Variants in MAP2 observed in about 807,000 individuals in gnomAD.
MAP2 encodes microtubule-associated protein 2.
In MAP2, 14 loss-of-function variants were observed where a neutral mutation model predicts 137.6. The ratio of observed to expected loss-of-function variants is 0.10; its 90% CI spans 0.07 to 0.16. The LOEUF (loss-of-function observed/expected upper bound fraction) is 0.16, where lower values mean the gene tolerates loss of function less well. Among genes scored for constraint, MAP2 ranks in the 10% least tolerant of loss-of-function variants. MAP2 has a pLI of 1.00. For missense variants in MAP2, 2,088 were observed against 2,191.5 expected, an observed-to-expected ratio of 0.95 and a Z score of 0.94; for synonymous variants, 786 against 782.3, an observed-to-expected ratio of 1.00 and a Z score of -0.08.
rs2067655257 is a variant in MAP2, at chr2:209,544,487, A to G, written c.-171-35549A>G. 2.6e-5 allele frequency among the ~76,000 whole-genome samples: 4 copies of G among 152,252 alleles called. No homozygotes were observed. In the South Asian group the frequency reaches 8.3e-4, roughly 32 times the overall value. On this transcript the variant is annotated intron_variant, in intron 2 of 15. Coordinates refer to ENST00000682079, the MANE Select transcript of MAP2 (RefSeq NM_001375505.1). ...TTAAAATGATGTTATTATTTTATGTATGATCTCTTGGAGCTGGTTTCATTT... is the reference window on the plus strand; with the variant it reads ...TTAAAATGATGTTATTATTTTATGTGTGATCTCTTGGAGCTGGTTTCATTT...
intron 2 of MAP2, among the ~76,000 whole-genome samples, chr2:209,520,055 T>C (rs1057118236): frequency 2.0e-5 from 3 of 152,100 alleles, no homozygotes; most frequent in African/African-American, 7.2e-5. Context: ...ACTGCTCAAC[T>C]ACTCATTCAG....
At chr2:209,593,315 G>C (rs1363484948) in intron 3 of MAP2, among the ~76,000 whole-genome samples, 1 of 151,332 alleles carries the variant, frequency 6.6e-6, no homozygotes, top group Non-Finnish European at 1.5e-5. Context: ...CAAATATCTT[G>C]ATTTTGAAAT....
At chr2:209,723,150 GATTAATA>G (rs2153807505) in intron 13 of MAP2, among the ~76,000 whole-genome samples, 1 of 152,306 alleles carries the variant, frequency 6.6e-6, no homozygotes, top group East Asian at 1.9e-4. Context: ...TGTACGAGGT[GATTAATA>G]ATTGTGATGG....
intron 1 of MAP2, among the ~76,000 whole-genome samples, chr2:209,433,919 C>T (rs1171819217): frequency 2.6e-5 from 4 of 152,022 alleles, no homozygotes; most frequent in Admixed American, 6.6e-5. Flanking sequence ...ATTCCATTCT[C>T]AATATGAATG....
chr2:209,528,886 G>GTATA (rs556581315), intron 2 of MAP2, among the ~76,000 whole-genome samples: 3 of 138,850 alleles, frequency 2.2e-5, no homozygotes, highest in African/African-American at 8.0e-5. Context: ...ATATATGTGT[G>GTATA]TATATACATA....
At chr2:209,660,152 A>G (rs1582613059) in intron 5 of MAP2, among the ~76,000 whole-genome samples, 1 of 152,174 alleles carries the variant, frequency 6.6e-6, no homozygotes, top group Non-Finnish European at 1.5e-5. Flanking sequence ...TATAATCCCC[A>G]CAATTTACCA....
chr2:209,505,417 C>T (rs2060909011), intron 1 of MAP2, among the ~76,000 whole-genome samples: 1 of 152,140 alleles, frequency 6.6e-6, no homozygotes, highest in Non-Finnish European at 1.5e-5. Context: ...ACCTTGAAGT[C>T]ACACTGGACG....
intron 4 of MAP2, among the ~76,000 whole-genome samples, chr2:209,643,112 A>G (rs1233899101): frequency 1.3e-5 from 2 of 152,220 alleles, no homozygotes; most frequent in African/African-American, 4.8e-5. Flanking sequence ...TTACATGATG[A>G]TAGGGCAGAA....
intron 2 of MAP2, among the ~76,000 whole-genome samples, chr2:209,578,349 CAAG>C (rs985599068): frequency 2.0e-5 from 3 of 150,136 alleles, no homozygotes; most frequent in African/African-American, 7.4e-5. Flanking sequence ...AAAGGTGGCT[CAAG>C]GAGAATGCAA....
chr2:209,550,747 T>C (rs1366655091), intron 2 of MAP2, among the ~76,000 whole-genome samples: 2 of 152,138 alleles, frequency 1.3e-5, no homozygotes, highest in African/African-American at 2.4e-5. Flanking sequence ...TATAATGGTT[T>C]TGTCATGGAT....
At chr2:209,466,461 T>G (rs1421461109) in intron 1 of MAP2, among the ~76,000 whole-genome samples, 1 of 152,178 alleles carries the variant, frequency 6.6e-6, no homozygotes, top group Non-Finnish European at 1.5e-5. Context: ...TTTATCAGGT[T>G]GTTGGTTAAG....
At chr2:209,679,678 C>G (rs2053687439) in intron 6 of MAP2, among the ~76,000 whole-genome samples, 1 of 151,936 alleles carries the variant, frequency 6.6e-6, no homozygotes. Flanking sequence ...TTAGAATACA[C>G]TCAGTATTTT....
chr2:209,652,092 G>T (rs16843360), intron 4 of MAP2, among the ~76,000 whole-genome samples: 1 of 152,018 alleles, frequency 6.6e-6, no homozygotes, highest in Non-Finnish European at 1.5e-5. Flanking sequence ...CAATAAGGCT[G>T]CATGGTGGGC....
intron 3 of MAP2, among the ~76,000 whole-genome samples, chr2:209,619,099 G>A (rs1437885606): frequency 2.0e-5 from 3 of 152,122 alleles, no homozygotes; most frequent in Non-Finnish European, 2.9e-5. Context: ...AGAGTAGAAT[G>A]GTGGTTATCA....
At chr2:209,588,559 G>A (rs2078374441) in intron 3 of MAP2, among the ~76,000 whole-genome samples, 1 of 152,012 alleles carries the variant, frequency 6.6e-6, no homozygotes, top group African/African-American at 2.4e-5. Flanking sequence ...CTCTTTTTGG[G>A]AAGATCTTAC....
At chr2:209,624,350 T>G (rs577307175) in intron 3 of MAP2, among the ~76,000 whole-genome samples, 3 of 152,164 alleles carry the variant, frequency 2.0e-5, no homozygotes, top group Admixed American at 6.6e-5. Context: ...CAATCCCTTA[T>G]GTATTGTGCG....
Position 209,696,672 on chromosome 2 carries a change from A to G in MAP2, c.4311A>G (p.Arg1437=). 1.9e-6 allele frequency: 3 copies of G among 1,613,988 alleles called. No homozygotes were observed. Among genetic ancestry groups the G allele is most frequent in the Non-Finnish European group, 2.5e-6 (3 of 1,179,914 alleles). ...AGCCTTTTAAAACCGGGAGAGGCAG[A>G]ATTTCCACTCCTGAAAGAAAAGTAG... ...KEKPFKTGRG[R]ISTPERKVAK... is the part of the protein sequence containing the mutation. The change falls in exon 9 of 16, where the codon AGA becomes AGG. Residue 1437 remains arginine (R), a synonymous_variant. Coordinates refer to ENST00000682079, the MANE Select transcript of MAP2 (RefSeq NM_001375505.1).
intron 1 of MAP2, among the ~76,000 whole-genome samples, chr2:209,427,490 C>G (rs1364521861): frequency 1.3e-5 from 2 of 152,114 alleles, no homozygotes; most frequent in African/African-American, 4.8e-5. Flanking sequence ...TCAATCTAGA[C>G]CTTTTCATGT....
At chr2:209,697,763 G>A (rs2060603094) in intron 10 of MAP2, among the ~76,000 whole-genome samples, 1 of 152,094 alleles carries the variant, frequency 6.6e-6, no homozygotes, top group Non-Finnish European at 1.5e-5. Context: ...ATATAATTTA[G>A]TTTCACAAAT....
Sources: allele counts gnomAD v4.1 joint callset (sites outside exome capture counted in the v4.1 genomes callset), GRCh38; gene constraint gnomAD v4.1.1; transcripts MANE v1.5; gene names NCBI Gene and HGNC (gene_info 2026-07-23, HGNC 2026-07-21).